Variants in ZNF438 observed in about 807,000 individuals in gnomAD.
The protein encoded by ZNF438 is zinc finger protein 438.
In ZNF438, 25 loss-of-function variants were observed where a neutral mutation model predicts 38.0. That is an observed-to-expected ratio of 0.66 (90% CI 0.48 to 0.92). The LOEUF (loss-of-function observed/expected upper bound fraction) is 0.92, where lower values mean the gene tolerates loss of function less well. Among genes scored for constraint, ZNF438 ranks in the 40% least tolerant of loss-of-function variants. The pLI is 0.00. For missense variants in ZNF438, 1,007 were observed against 999.6 expected (o/e 1.01, Z -0.10); for synonymous variants, 372 against 364.1 (o/e 1.02, Z -0.25).
intron 1 of ZNF438, among the ~76,000 whole-genome samples, chr10:30,972,159 C>A (rs1005158205): frequency 6.6e-6 from 1 of 151,994 alleles, no homozygotes; most frequent in Non-Finnish European, 1.5e-5. Context: ...TTAGTAGATA[C>A]GGGGTTTCAC....
chr10:30,931,496 T>C (rs983414642), intron 2 of ZNF438, among the ~76,000 whole-genome samples: 2 of 152,356 alleles, frequency 1.3e-5, no homozygotes, highest in South Asian at 4.1e-4. Context: ...AATAACACTT[T>C]TTTTTGCCCC....
At chr10:30,898,971 C>T (rs1589084601) in intron 3 of ZNF438, among the ~76,000 whole-genome samples, 1 of 152,184 alleles carries the variant, frequency 6.6e-6, no homozygotes, top group African/African-American at 2.4e-5. Context: ...AAAATCATCA[C>T]AAATTTTTTT....
intron 2 of ZNF438, among the ~76,000 whole-genome samples, chr10:30,929,886 T>C (rs1199074920): frequency 1.3e-5 from 2 of 152,190 alleles, no homozygotes; most frequent in Non-Finnish European, 2.9e-5. Flanking sequence ...TGCTAATTGG[T>C]GCATTTACAA....
At chr10:30,961,163 G>GT (rs1156667139) in intron 1 of ZNF438, among the ~76,000 whole-genome samples, 4 of 136,216 alleles carry the variant, frequency 2.9e-5, no homozygotes, top group African/African-American at 5.2e-5. Context: ...AAAAAAAAAA[G>GT]TTTTTTTTAC....
chr10:31,002,880 G>A (rs2054792933), intron 1 of ZNF438, among the ~76,000 whole-genome samples: 1 of 152,212 alleles, frequency 6.6e-6, no homozygotes, highest in Admixed American at 6.5e-5. Context: ...TTTATGGGAT[G>A]TATCAGCAAT....
intron 1 of ZNF438, among the ~76,000 whole-genome samples, chr10:31,018,433 G>T (rs191141900): frequency 6.6e-6 from 1 of 152,120 alleles, no homozygotes; most frequent in African/African-American, 2.4e-5. Context: ...GTACAAACTG[G>T]GTAGACAAAT....
intron 4 of ZNF438, among the ~76,000 whole-genome samples, chr10:30,857,049 G>C (rs1053713808): frequency 1.4e-4 from 21 of 152,080 alleles, no homozygotes; most frequent in Non-Finnish European, 2.5e-4. Context: ...TGAGGTTTGA[G>C]GAAGTTAAAT....
At chr10:30,938,579 C>T (rs1439846766) in intron 2 of ZNF438, among the ~76,000 whole-genome samples, 1 of 151,850 alleles carries the variant, frequency 6.6e-6, no homozygotes, top group Non-Finnish European at 1.5e-5. Context: ...CCTGGCCTAG[C>T]TCTAGCACTA....
intron 1 of ZNF438, among the ~76,000 whole-genome samples, chr10:31,008,555 A>C (rs2797910): frequency 0.77 from 116,805 of 152,132 alleles, 45,790 homozygotes; most frequent in African/African-American, 0.9. Flanking sequence ...TTTATGTCTG[A>C]TCCTTTCACT....
At chr10:30,929,444 T>C (rs557544902) in intron 2 of ZNF438, among the ~76,000 whole-genome samples, 3 of 152,324 alleles carry the variant, frequency 2.0e-5, no homozygotes, top group Admixed American at 6.5e-5. Flanking sequence ...CCTGGTGGGT[T>C]CGTGGTCTCG....
At chr10:30,926,560 G>A (rs2044952282) in intron 2 of ZNF438, among the ~76,000 whole-genome samples, 1 of 152,120 alleles carries the variant, frequency 6.6e-6, no homozygotes, top group African/African-American at 2.4e-5. Flanking sequence ...CAGCTACTGG[G>A]GAGGCTGAGA....
exon 5 of ZNF438, chr10:30,849,681 A>C (rs1202321728): frequency 6.2e-7 from 1 of 1,614,160 alleles, no homozygotes; most frequent in African/African-American, 1.3e-5. Flanking sequence ...TTGCTTACAA[A>C]GTGTGCTTTC....
At chr10:30,878,457 G>A (rs2133714426) in intron 3 of ZNF438, among the ~76,000 whole-genome samples, 1 of 152,196 alleles carries the variant, frequency 6.6e-6, no homozygotes. Context: ...TCTCTCCACT[G>A]AGAGACATCC....
intron 1 of ZNF438, among the ~76,000 whole-genome samples, chr10:30,949,185 C>G (rs1248156773): frequency 6.6e-6 from 1 of 151,564 alleles, no homozygotes; most frequent in African/African-American, 2.4e-5. Context: ...AAATCCTTTA[C>G]AGACAAACAA....
chr10:30,861,572 T>C (rs1190583216), intron 4 of ZNF438, among the ~76,000 whole-genome samples: 1 of 152,214 alleles, frequency 6.6e-6, no homozygotes, highest in African/African-American at 2.4e-5. Context: ...CAGGGCCATA[T>C]AGTTAATGTC....
Position 30,973,117 on chromosome 10 carries a change from A to T in ZNF438, c.-191-31466T>A, listed in dbSNP as rs1227535610. Among the ~76,000 whole-genome samples the T allele has an allele frequency of 2.0e-5, 3 of 152,238 alleles. No individual in the cohort carries two copies. In the East Asian group the frequency reaches 5.8e-4, roughly 29 times the overall value. On this transcript the variant is annotated intron_variant, in intron 1 of 5. Coordinates refer to ENST00000413025, the Ensembl canonical transcript of ZNF438. Reference sequence around the variant, plus strand: ...TGTTTCCTCCAGTAGTTAACGCTGTAGTTCTAGAAGACTTAAAGACTGCAG... The same window carrying T: ...TGTTTCCTCCAGTAGTTAACGCTGTTGTTCTAGAAGACTTAAAGACTGCAG...
At chr10:30,945,324 A>G (rs989818266) in intron 1 of ZNF438, among the ~76,000 whole-genome samples, 1 of 151,092 alleles carries the variant, frequency 6.6e-6, no homozygotes, top group East Asian at 1.9e-4. Flanking sequence ...ATTGGCTAGT[A>G]ATATAGCTCC....
chr10:30,917,933 C>A (rs901530038), intron 2 of ZNF438, among the ~76,000 whole-genome samples: 2 of 151,952 alleles, frequency 1.3e-5, no homozygotes, highest in Non-Finnish European at 2.9e-5. Flanking sequence ...ATGGCTTTAG[C>A]TTTTTATATT....
At chr10:30,955,815 CTTATTA>C (rs112671015) in intron 1 of ZNF438, among the ~76,000 whole-genome samples, 3 of 152,162 alleles carry the variant, frequency 2.0e-5, no homozygotes, top group Admixed American at 6.5e-5. Context: ...ATTTTTGTAA[CTTATTA>C]TTATTTTTTT....
Sources: allele counts gnomAD v4.1 joint callset (sites outside exome capture counted in the v4.1 genomes callset), GRCh38; gene constraint gnomAD v4.1.1; transcripts MANE v1.5; gene names NCBI Gene and HGNC (gene_info 2026-07-23, HGNC 2026-07-21).